The following ZNF782 variants were observed in gnomAD, a reference collection of about 807,000 sequenced individuals.
The protein encoded by ZNF782 is zinc finger protein 782.
A neutral mutation model predicts 13.0 loss-of-function variants in ZNF782; 12 were observed. The ratio of observed to expected loss-of-function variants is 0.92; its 90% confidence interval spans 0.59 to 1.50. The LOEUF is 1.50. ZNF782 is among the 40% of genes most tolerant of loss of function. The probability of loss-of-function intolerance (pLI) is 0.00; values close to 1 mark genes in which losing one functional copy is unlikely to be tolerated. For missense variants in ZNF782, 770 were observed against 822.9 expected (o/e 0.94, Z 0.79); for synonymous variants, 284 against 283.0 (o/e 1.00, Z -0.04).
the ZNF782 span, among the ~76,000 whole-genome samples, chr9:96,916,683 C>A: frequency 6.6e-6 from 1 of 151,936 alleles, no homozygotes; most frequent in East Asian, 1.9e-4. Flanking sequence ...TGTGCAGCGG[C>A]TCCCCAGCCC....
Position 96,818,111 on chromosome 9 carries a change from G to A in ZNF782, c.1912C>T (p.Arg638Ter), listed in dbSNP as rs377747750. 13 of 1,564,672 alleles carry A rather than the reference G, an allele frequency of 8.3e-6. No individual in the cohort carries two copies. Among genetic ancestry groups the A allele is most frequent in the Admixed American group, 3.6e-5 (2 of 55,030 alleles). The part of the protein sequence containing the change: ...SEKSVLRKHQ[R>*]THTGEKPYNC... ...TATGGTTTCTCCCCGGTGTGAGTTCGCTGATGTTTTCTTAGGACTGACTTC... is the reference window on the plus strand; with the variant it reads ...TATGGTTTCTCCCCGGTGTGAGTTCACTGATGTTTTCTTAGGACTGACTTC... The change falls in exon 6 of 6, where the codon CGA becomes TGA. Residue 638 changes from arginine (R) to a stop codon, truncating the protein, a stop_gained. Coordinates refer to ENST00000481138, the MANE Select transcript of ZNF782 (RefSeq NM_001001662.3). LOFTEE classifies it low-confidence loss of function (END_TRUNC).
At chr9:96,878,777 GATT>G (rs1190730428), upstream of ZNF782, among the ~76,000 whole-genome samples, 2 of 152,160 alleles carry the variant, frequency 1.3e-5, no homozygotes, top group Admixed American at 6.5e-5. Flanking sequence ...ATATTTGTGA[GATT>G]ATTTCTTTGC....
At chr9:96,911,149 TA>T in the ZNF782 span, among the ~76,000 whole-genome samples, 1 of 144,978 alleles carries the variant, frequency 6.9e-6, no homozygotes, top group Admixed American at 6.9e-5. Context: ...AAAAAACTTG[TA>T]AAAAAAGGGC....
intron 1 of ZNF782, among the ~76,000 whole-genome samples, chr9:96,866,687 A>C (rs2118873789): frequency 6.6e-6 from 1 of 151,136 alleles, no homozygotes; most frequent in South Asian, 2.1e-4. Flanking sequence ...GCCTGGAAAA[A>C]CCCCACTCAA....
intron 3 of ZNF782, chr9:96,860,168 T>C (rs997030207): frequency 6.6e-6 from 1 of 152,100 alleles, no homozygotes; most frequent in Non-Finnish European, 1.5e-5. Context: ...AGACAGCACC[T>C]TTGAATGCAT....
At chr9:96,917,885 G>GGT in the ZNF782 span, among the ~76,000 whole-genome samples, 1 of 113,172 alleles carries the variant, frequency 8.8e-6, no homozygotes, top group Non-Finnish European at 1.7e-5. Context: ...CACCACCCTT[G>GGT]GCGTGTGTGT....
At chr9:96,885,359 G>A in the ZNF782 span, among the ~76,000 whole-genome samples, 11 of 152,064 alleles carry the variant, frequency 7.2e-5, no homozygotes, top group Admixed American at 5.9e-4. Context: ...TAAAAAGCCT[G>A]CTGGATATGC....
intron 5 of ZNF782, among the ~76,000 whole-genome samples, chr9:96,824,270 G>A (rs1175306060): frequency 6.6e-6 from 1 of 151,306 alleles, no homozygotes; most frequent in Non-Finnish European, 1.5e-5. Context: ...CAATAAATGT[G>A]ATCCAGCATA....
chr9:96,926,618 C>G, the ZNF782 span, among the ~76,000 whole-genome samples: 3 of 151,636 alleles, frequency 2.0e-5, no homozygotes, highest in Admixed American at 2.0e-4. Flanking sequence ...CTGGACCATT[C>G]AGTTTTAGAG....
chr9:96,916,051 A>C, the ZNF782 span, among the ~76,000 whole-genome samples: 1 of 151,822 alleles, frequency 6.6e-6, no homozygotes, highest in Non-Finnish European at 1.5e-5. Flanking sequence ...GTGAATAAGG[A>C]AAAAACATCA....
intron 4 of ZNF782, among the ~76,000 whole-genome samples, chr9:96,827,980 G>C (rs1850682409): frequency 6.6e-6 from 1 of 152,144 alleles, no homozygotes; most frequent in Admixed American, 6.5e-5. Context: ...GACAAAATTG[G>C]ATGTTTAAGG....
Position 96,819,604 on chromosome 9 carries a change from A to G in ZNF782, c.419T>C (p.Ile140Thr), listed in dbSNP as rs371317411. ...GAGCCCCTGGCAAGCAGACCCCGCAATGTCACATTTACAAGGCATCATTCT... is the reference window on the plus strand; with the variant it reads ...GAGCCCCTGGCAAGCAGACCCCGCAGTGTCACATTTACAAGGCATCATTCT... ...RARMMPCKCDIAGSACQGLSL... is the reference protein window; with the variant it reads ...RARMMPCKCDTAGSACQGLSL... Residue 140 changes from isoleucine to threonine, a missense_variant, in exon 6 of 6, where the codon ATT becomes ACT. Coordinates refer to ENST00000481138, the MANE Select transcript of ZNF782 (RefSeq NM_001001662.3). 8.1e-6 allele frequency: 13 copies of G among 1,613,984 alleles called. No individual in the cohort carries two copies. Among genetic ancestry groups the G allele is most frequent in the East Asian group, 2.2e-5 (1 of 44,866 alleles).
chr9:96,879,224 C>T (rs1409120532), upstream of ZNF782, among the ~76,000 whole-genome samples: 2 of 152,342 alleles, frequency 1.3e-5, no homozygotes, highest in South Asian at 2.1e-4. Flanking sequence ...CGCAGTGGCT[C>T]ACGCCTATAA....
the ZNF782 span, chr9:96,893,042 T>C: frequency 2.0e-5 from 3 of 152,194 alleles, no homozygotes; most frequent in African/African-American, 7.2e-5. Context: ...CAAAGTCGTG[T>C]GGATTAATTC....
At chr9:96,864,319 T>C (rs913651203) in intron 1 of ZNF782, among the ~76,000 whole-genome samples, 2 of 151,948 alleles carry the variant, frequency 1.3e-5, no homozygotes, top group Admixed American at 1.3e-4. Context: ...TAAAACACTA[T>C]ATTTTACACA....
rs1036095568 is a variant in ZNF782, at chr9:96,835,763, C to T, written c.143-8582G>A. On this transcript the variant is annotated intron_variant, in intron 4 of 5. Coordinates refer to ENST00000481138, the MANE Select transcript of ZNF782 (RefSeq NM_001001662.3). Reference sequence around the variant, plus strand: ...GTGTGTTACTCCACTGAGATTTCAACGTATGTATGAAAAACCCTATAGGCC... The same window carrying T: ...GTGTGTTACTCCACTGAGATTTCAATGTATGTATGAAAAACCCTATAGGCC... Among the ~76,000 whole-genome samples the T allele has an allele frequency of 5.9e-5, 9 of 152,146 alleles. No individual in the cohort carries two copies. In the East Asian group the frequency reaches 7.7e-4, roughly 13 times the overall value.
At chr9:96,826,566 GTAAA>G (rs1041997297) in intron 5 of ZNF782, among the ~76,000 whole-genome samples, 4 of 151,696 alleles carry the variant, frequency 2.6e-5, no homozygotes, top group South Asian at 2.1e-4. Flanking sequence ...AAATAAATAA[GTAAA>G]TAAATAAATA....
intron 5 of ZNF782, among the ~76,000 whole-genome samples, chr9:96,825,982 T>A (rs1419373764): frequency 1.3e-5 from 2 of 152,068 alleles, no homozygotes; most frequent in Admixed American, 6.5e-5. Flanking sequence ...ATTGTGGAAG[T>A]CAGTGTGGCA....
chr9:96,859,964 A>G (rs1379953525), intron 3 of ZNF782, among the ~76,000 whole-genome samples: 1 of 152,178 alleles, frequency 6.6e-6, no homozygotes, highest in Non-Finnish European at 1.5e-5. Flanking sequence ...CATTAAGTGA[A>G]CATCAGTGGT....
Sources: allele counts gnomAD v4.1 joint callset (sites outside exome capture counted in the v4.1 genomes callset), GRCh38; gene constraint gnomAD v4.1.1; transcripts MANE v1.5; gene names NCBI Gene and HGNC (gene_info 2026-07-23, HGNC 2026-07-21).